MAOA: variants seen among roughly 807,000 people sequenced by gnomAD.
MAOA encodes the protein monoamine oxidase A, also known as amine oxidase [flavin-containing] A.
Under a neutral mutation model 42.0 loss-of-function variants are expected in MAOA, and 6 were observed. The ratio of observed to expected loss-of-function variants is 0.14; its 90% CI spans 0.08 to 0.28. MAOA has a LOEUF of 0.28. Among genes scored for constraint, MAOA ranks in the 10% least tolerant of loss-of-function variants. The pLI, the probability that MAOA is intolerant of heterozygous loss-of-function variation, is 1.00. For synonymous variants in MAOA, 140 were observed against 154.0 expected, an observed-to-expected ratio of 0.91 and a Z score of 0.67; for missense variants, 262 against 422.3, an observed-to-expected ratio of 0.62 and a Z score of 3.33.
intron 10 of MAOA, among the ~76,000 whole-genome samples, chrX:43,736,769 T>C (rs5952250): frequency 1.8e-5 from 2 of 110,878 alleles, no homozygotes; most frequent in Non-Finnish European, 3.8e-5. Context: ...CAGTGGTTTT[T>C]TTTTTTTTCT....
intron 5 of MAOA, among the ~76,000 whole-genome samples, chrX:43,721,995 C>T (rs2033794056): frequency 9.0e-6 from 1 of 111,313 alleles, no homozygotes; most frequent in Non-Finnish European, 1.9e-5. Context: ...CAGTTTCATC[C>T]ACGTCCCTGC....
rs148104898 is a variant in MAOA at position 43,731,516 on chromosome X, T to C, written c.795+126T>C. On this transcript the variant is annotated intron_variant, in intron 7 of 14. Coordinates refer to ENST00000338702, the MANE Select transcript of MAOA (RefSeq NM_000240.4). The stretch of plus-strand genomic sequence containing the variant: ...CATGTTTCCGCCTCAGTCTTCCAAA[T>C]TACCAGCCTTGGTTGACCTACCTTG... 789 of 907,688 alleles carry C rather than the reference T, an allele frequency of 8.7e-4. 7 individuals carry two copies. In the African/African-American group the frequency reaches 0.014, roughly 16 times the overall value. 74.8% of individuals were successfully genotyped at this position (907,688 alleles called of 1,213,427 possible). A position where few individuals can be genotyped will look rare whatever the true frequency, so the allele number is the denominator to read the frequency against.
At chrX:43,741,175 A>G (rs916234048) in intron 11 of MAOA, among the ~76,000 whole-genome samples, 1 of 111,811 alleles carries the variant, frequency 8.9e-6, no homozygotes, top group Non-Finnish European at 1.9e-5. Flanking sequence ...TTCCCAGGTC[A>G]AAGTCATACT....
chrX:43,677,703 AT>A (rs1354115776), intron 1 of MAOA, among the ~76,000 whole-genome samples: 1 of 111,742 alleles, frequency 8.9e-6, no homozygotes, highest in African/African-American at 3.3e-5. Flanking sequence ...AAGTTTTTGC[AT>A]TTTGAAATCT....
intron 1 of MAOA, among the ~76,000 whole-genome samples, chrX:43,678,982 G>A (rs2033422232): frequency 9.0e-6 from 1 of 111,720 alleles, no homozygotes; most frequent in Non-Finnish European, 1.9e-5. Context: ...CAGCATCTTA[G>A]AAGAAATATG....
At chrX:43,692,236 C>G (rs1217194454) in intron 2 of MAOA, among the ~76,000 whole-genome samples, 17 of 110,663 alleles carry the variant, frequency 1.5e-4, no homozygotes, top group African/African-American at 5.3e-4. Context: ...AAGTCCAGAG[C>G]CCCATGAAGT....
chrX:43,667,680 GA>G (rs1179313238), intron 1 of MAOA, among the ~76,000 whole-genome samples: 1 of 111,097 alleles, frequency 9.0e-6, no homozygotes, highest in Non-Finnish European at 1.9e-5. Flanking sequence ...TGTTCTACAG[GA>G]AACATATATA....
At position 43,683,659 on chromosome X, in the gene MAOA, G is replaced by A. The variant is rs769716814; in HGVS notation, c.168+52G>A. On this transcript the variant is annotated intron_variant, in intron 2 of 14. Transcript: ENST00000338702. ...ATGTAATATCTCACTCAAACTACAA[G>A]TGGCACCACTGGAAATCACAGGGCT... 3.8e-5 allele frequency: 38 copies of A among 1,002,037 alleles called. No individual in the cohort carries two copies. In the Middle Eastern group the frequency reaches 1.3e-3, roughly 33 times the overall value. 82.6% of individuals were successfully genotyped at this position (1,002,037 alleles called of 1,213,427 possible).
intron 1 of MAOA, among the ~76,000 whole-genome samples, chrX:43,656,769 C>A (rs2033183682): frequency 9.0e-6 from 1 of 110,778 alleles, no homozygotes; most frequent in East Asian, 2.8e-4. Flanking sequence ...AAACTGAGGT[C>A]TGGGGAGTTT....
intron 1 of MAOA, among the ~76,000 whole-genome samples, chrX:43,661,768 T>A (rs964426034): frequency 1.8e-5 from 2 of 111,268 alleles, no homozygotes; most frequent in African/African-American, 6.5e-5. Flanking sequence ...CATTTTTTTT[T>A]ATTTTGCAAT....
At chrX:43,711,796 T>C in intron 3 of MAOA, 76 bp from the exon 4 acceptor site, 1 of 835,006 alleles carries the variant, frequency 1.2e-6, no homozygotes, top group Non-Finnish European at 1.8e-6. Context: ...TTGGTTGCTT[T>C]TTTGTTGTTT....
intron 1 of MAOA, among the ~76,000 whole-genome samples, chrX:43,676,771 G>A (rs763201955): frequency 2.6e-5 from 2 of 76,737 alleles, no homozygotes; most frequent in East Asian, 3.0e-4. Context: ...TACAAAAAAT[G>A]TGTGTGTGTG....
In MAOA at chrX:43,673,355, G is replaced by A. The variant is rs887135150; in HGVS notation, c.74-10158G>A. ...TTTTTTCTTTATTAGCCTTGCTAGC[G>A]GTCTGTCAATTTTGTTGATCCTTTC... On this transcript the variant is annotated intron_variant, in intron 1 of 14. Transcript: ENST00000338702. Among the ~76,000 whole-genome samples, 10 of 108,820 alleles carry A rather than the reference G, an allele frequency of 9.2e-5. No homozygotes were observed. The South Asian group carries it at 1.2e-3, about 13-fold the overall frequency. The allele number at this position is 108,820 out of a possible 115,157, so 94.5% of individuals were successfully genotyped here. A position where few individuals can be genotyped will look rare whatever the true frequency, so the allele number is the denominator to read the frequency against.
At chrX:43,667,340 G>A (rs746826803) in intron 1 of MAOA, among the ~76,000 whole-genome samples, 1 of 111,071 alleles carries the variant, frequency 9.0e-6, no homozygotes, top group South Asian at 3.8e-4. Flanking sequence ...TCCCATAAAA[G>A]TGTAAGCTTC....
chrX:43,665,891 G>C (rs1257588243), intron 1 of MAOA, among the ~76,000 whole-genome samples: 1 of 111,864 alleles, frequency 8.9e-6, no homozygotes, highest in Non-Finnish European at 1.9e-5. Context: ...AAGTTTGTGT[G>C]TATATTGATA....
At chrX:43,715,068 A>G (rs963417283) in intron 5 of MAOA, among the ~76,000 whole-genome samples, 3 of 110,283 alleles carry the variant, frequency 2.7e-5, no homozygotes, top group Admixed American at 1.9e-4. Context: ...GGTGAGGGAG[A>G]TGGTCTCTTC....
At chrX:43,702,194 G>A (rs996982084) in intron 3 of MAOA, among the ~76,000 whole-genome samples, 1 of 111,926 alleles carries the variant, frequency 8.9e-6, no homozygotes, top group Non-Finnish European at 1.9e-5. Flanking sequence ...TAATAGGATC[G>A]ATGCTGCCAT....
chrX:43,662,619 T>C (rs1055642982), intron 1 of MAOA, among the ~76,000 whole-genome samples: 1 of 111,775 alleles, frequency 8.9e-6, no homozygotes, highest in Non-Finnish European at 1.9e-5. Context: ...AGTTATGGCA[T>C]AGAAATATTT....
At chrX:43,669,581 G>A (rs927286499) in intron 1 of MAOA, among the ~76,000 whole-genome samples, 1 of 109,945 alleles carries the variant, frequency 9.1e-6, no homozygotes, top group South Asian at 3.8e-4. Flanking sequence ...TTTATGCCTC[G>A]TTTCACCCTT....
Sources: gnomAD v4.1 joint callset for allele counts (sites outside exome capture counted in the v4.1 genomes callset) on GRCh38, gnomAD v4.1.1 for gene constraint, MANE v1.5 for transcripts, NCBI Gene and HGNC (gene_info 2026-07-23, HGNC 2026-07-21) for gene names.